Variants in PPP2R2B observed in about 807,000 individuals in gnomAD.
PPP2R2B encodes serine/threonine-protein phosphatase 2A 55 kDa regulatory subunit B beta isoform.
In PPP2R2B, 5 loss-of-function variants were observed where a neutral mutation model predicts 46.0. The observed-to-expected ratio is 0.11, with a 90% CI of 0.06 to 0.23. PPP2R2B has a LOEUF of 0.23. PPP2R2B is among the 10% of genes least tolerant of loss of function. PPP2R2B has a pLI of 1.00. For missense variants in PPP2R2B, 367 were observed against 575.0 expected (o/e 0.64, Z 3.70); for synonymous variants, 215 against 206.7 (o/e 1.04, Z -0.34).
chr5:146,878,514 G>C lies in PPP2R2B; in HGVS notation c.-125+77C>G. 1 of 1,291,114 alleles carries C rather than the reference G, an allele frequency of 7.7e-7. No individual in the cohort carries two copies. Among genetic ancestry groups the C allele is most frequent in the South Asian group, 1.6e-5 (1 of 61,052 alleles). The allele number at this position is 1,291,114 out of a possible 1,614,324, so 80.0% of individuals were successfully genotyped here. ...AGATCCCTCCTCCCCCTGGGAGAGCGGGCAGCCGCGACAAAATGGTGCCTT... is the reference window on the plus strand; with the variant it reads ...AGATCCCTCCTCCCCCTGGGAGAGCCGGCAGCCGCGACAAAATGGTGCCTT... On this transcript the variant is annotated intron_variant, in intron 1 of 9. Transcript: ENST00000394411. The surrounding 1 kb of genome is among the most constrained non-coding windows in gnomAD (Gnocchi z 4.5).
At chr5:146,953,567 A>AGT (rs1751727755) in intron 1 of PPP2R2B, among the ~76,000 whole-genome samples, 1 of 152,196 alleles carries the variant, frequency 6.6e-6, no homozygotes, top group African/African-American at 2.4e-5. Context: ...AGTCACAAAA[A>AGT]GATATAAAGT....
intron 2 of PPP2R2B, among the ~76,000 whole-genome samples, chr5:146,776,096 T>A (rs1755164853): frequency 6.6e-6 from 1 of 152,114 alleles, no homozygotes; most frequent in African/African-American, 2.4e-5. Flanking sequence ...TTCAATGCGA[T>A]CCCTATCAAA....
intron 1 of PPP2R2B, among the ~76,000 whole-genome samples, chr5:146,907,308 G>GTAGTATTA (rs1275319543): frequency 4.6e-5 from 7 of 152,074 alleles, no homozygotes; most frequent in Non-Finnish European, 5.9e-5. Context: ...CGTATTTTAA[G>GTAGTATTA]CCATCTATGT....
chr5:146,770,898 C>A (rs770507329), intron 2 of PPP2R2B, among the ~76,000 whole-genome samples: 1 of 152,108 alleles, frequency 6.6e-6, no homozygotes, highest in African/African-American at 2.4e-5. Context: ...AGAGAACAAC[C>A]TATTTACTTT....
intron 1 of PPP2R2B, among the ~76,000 whole-genome samples, chr5:147,003,412 T>C (rs1262733333): frequency 6.6e-6 from 1 of 152,138 alleles, no homozygotes; most frequent in Non-Finnish European, 1.5e-5. Context: ...TTAAAGCAGA[T>C]CAAGGCAGAC....
chr5:146,856,493 GAA>G, intron 2 of PPP2R2B: 1 of 1,561,320 alleles, frequency 6.4e-7, no homozygotes, highest in South Asian at 1.1e-5. Flanking sequence ...ATAATAATAC[GAA>G]TACCTTTATT....
chr5:146,723,857 A>G (rs1751679414), intron 2 of PPP2R2B, among the ~76,000 whole-genome samples: 1 of 152,142 alleles, frequency 6.6e-6, no homozygotes, highest in Non-Finnish European at 1.5e-5. Flanking sequence ...TTGGAGGGCC[A>G]GGACAAATTC....
chr5:146,689,225 T>C (rs771117431), intron 5 of PPP2R2B, among the ~76,000 whole-genome samples: 8 of 152,164 alleles, frequency 5.3e-5, no homozygotes, highest in South Asian at 4.1e-4. Flanking sequence ...AAATAACTTA[T>C]TGAATCCTCA....
chr5:146,685,958 A>G (rs1778475726), intron 5 of PPP2R2B, among the ~76,000 whole-genome samples: 1 of 152,198 alleles, frequency 6.6e-6, no homozygotes, highest in South Asian at 2.1e-4. Context: ...ACATCAATCA[A>G]TAATAAAACA....
intron 4 of PPP2R2B, among the ~76,000 whole-genome samples, chr5:146,693,415 A>G (rs1447018164): frequency 1.3e-5 from 2 of 151,858 alleles, no homozygotes; most frequent in African/African-American, 4.8e-5. Flanking sequence ...TGATTTTTTC[A>G]TGTTGCCCAG....
At chr5:146,979,954 G>A (rs1283702905) in intron 1 of PPP2R2B, among the ~76,000 whole-genome samples, 1 of 152,152 alleles carries the variant, frequency 6.6e-6, no homozygotes, top group Non-Finnish European at 1.5e-5. Flanking sequence ...TGGTACGTGT[G>A]TGTATATATA....
chr5:146,747,760 A>G (rs960935605), intron 2 of PPP2R2B, among the ~76,000 whole-genome samples: 10 of 152,200 alleles, frequency 6.6e-5, no homozygotes, highest in African/African-American at 2.2e-4. Flanking sequence ...TATTTCTTCA[A>G]TTTATGTTAC....
chr5:146,906,339 G>A (rs1171291963), intron 1 of PPP2R2B, among the ~76,000 whole-genome samples: 4 of 103,206 alleles, frequency 3.9e-5, no homozygotes, highest in South Asian at 3.5e-4. Context: ...TTATTTATTT[G>A]GAGACAGAGT....
intron 1 of PPP2R2B, among the ~76,000 whole-genome samples, chr5:146,927,035 T>C (rs2151818862): frequency 1.3e-5 from 2 of 152,330 alleles, no homozygotes; most frequent in Admixed American, 1.3e-4. Flanking sequence ...CTGGTCATCA[T>C]GGCTTGCTGT....
chr5:146,801,151 T>C (rs1355776371), intron 2 of PPP2R2B, among the ~76,000 whole-genome samples: 1 of 151,810 alleles, frequency 6.6e-6, no homozygotes, highest in Non-Finnish European at 1.5e-5. Flanking sequence ...CAGAGTAGGA[T>C]AGCAGTTACC....
At chr5:146,883,334 C>T (rs1387478691), upstream of PPP2R2B, among the ~76,000 whole-genome samples, 2 of 152,286 alleles carry the variant, frequency 1.3e-5, no homozygotes, top group East Asian at 3.9e-4. Flanking sequence ...ACCCTTCTTC[C>T]TCCTGCGGTA....
At chr5:147,058,137 GAT>G (rs1757146978), upstream of PPP2R2B, among the ~76,000 whole-genome samples, 1 of 152,144 alleles carries the variant, frequency 6.6e-6, no homozygotes, top group Non-Finnish European at 1.5e-5. Context: ...GCACAAAGTA[GAT>G]AGTAAATATT....
chr5:146,763,641 C>T (rs1754297479), intron 2 of PPP2R2B, among the ~76,000 whole-genome samples: 1 of 152,178 alleles, frequency 6.6e-6, no homozygotes, highest in Non-Finnish European at 1.5e-5. Flanking sequence ...TTTAGGTTTC[C>T]CACAGTTCTG....
chr5:147,055,936 T>C (rs1757068305), exon 1 of PPP2R2B: 5 of 1,412,852 alleles, frequency 3.5e-6, no homozygotes, highest in South Asian at 1.6e-5. Flanking sequence ...AGCACTGCCT[T>C]ACATTTCTGC....
Sources: allele counts gnomAD v4.1 joint callset (sites outside exome capture counted in the v4.1 genomes callset), GRCh38; gene constraint gnomAD v4.1.1; non-coding constraint Gnocchi (gnomAD v3.1); transcripts MANE v1.5; gene names NCBI Gene and HGNC (gene_info 2026-07-23, HGNC 2026-07-21).